The following AGAP1 variants were observed in gnomAD, a reference collection of about 807,000 sequenced individuals.
The protein encoded by AGAP1 is arf-GAP with GTPase, ANK repeat and PH domain-containing protein 1.
Under a neutral mutation model 105.3 loss-of-function variants are expected in AGAP1, and 29 were observed. The ratio of observed to expected loss-of-function variants is 0.28; its 90% confidence interval spans 0.21 to 0.38. The LOEUF is 0.38. Ranked by LOEUF, AGAP1 falls within the 10% of genes least tolerant of loss-of-function variation. The pLI is 1.00. For synonymous variants in AGAP1, 509 were observed against 485.9 expected, an observed-to-expected ratio of 1.05 and a Z score of -0.63; for missense variants, 998 against 1,165.1, an observed-to-expected ratio of 0.86 and a Z score of 2.09.
In AGAP1 at chr2:236,000,670, GAATA is replaced by G. The variant is rs2056079917; in HGVS notation, c.1645+32050_1645+32053del. On this transcript the variant is annotated intron_variant, in intron 13 of 17. Transcript: ENST00000304032. This position sits in a 1 kb window ranked among gnomAD's most constrained non-coding sequence, Gnocchi z 4.3. ...TCCCTGCAGGGAGGTGCACAGTGAAGAATAAAACACAGGTGATTTCAGATAGTGG... is the reference window on the plus strand; with the variant it reads ...TCCCTGCAGGGAGGTGCACAGTGAAGAAACACAGGTGATTTCAGATAGTGG... Among the ~76,000 whole-genome samples the G allele has an allele frequency of 6.6e-6, 1 of 152,236 alleles. No homozygotes were observed. The highest frequency in any genetic ancestry group is 1.5e-5 in the Non-Finnish European group (1 of 68,046).
rs1006947599 is a variant in AGAP1, at chr2:235,927,920, A to T, written c.1325-2845A>T. On this transcript the variant is annotated intron_variant, in intron 11 of 17. Transcript: ENST00000304032. The surrounding 1 kb of genome is among the most constrained non-coding windows in gnomAD (Gnocchi z 4.4). ...CTTGTGTGCCTAAAGCTGGTATAAA[A>T]TGAGGTCTGTGGACAGATGGCATGC... 6.6e-6 allele frequency among the ~76,000 whole-genome samples: 1 copy of T among 152,218 alleles called. No homozygotes were observed. The highest frequency in any genetic ancestry group is 2.4e-5 in the African/African-American group (1 of 41,452).
chr2:235,647,533 G>A (rs751473668), intron 1 of AGAP1, among the ~76,000 whole-genome samples: 8 of 151,998 alleles, frequency 5.3e-5, no homozygotes, highest in African/African-American at 7.3e-5. Context: ...GACTACAGGC[G>A]CACACCACCA....
intron 9 of AGAP1, among the ~76,000 whole-genome samples, chr2:235,853,641 A>G (rs980622686): frequency 5.3e-5 from 8 of 152,210 alleles, no homozygotes; most frequent in African/African-American, 1.9e-4. Context: ...ATGACTGAAC[A>G]GTGATTTTGG....
At chr2:235,513,503 A>G (rs1376094536) in intron 1 of AGAP1, among the ~76,000 whole-genome samples, 5 of 132,820 alleles carry the variant, frequency 3.8e-5, no homozygotes, top group Non-Finnish European at 7.7e-5. Context: ...CCTGGGCGGC[A>G]GAGCAAGACT....
intron 16 of AGAP1, among the ~76,000 whole-genome samples, chr2:236,108,526 C>T (rs1476861048): frequency 2.0e-5 from 3 of 152,282 alleles, no homozygotes; most frequent in Admixed American, 6.5e-5. Context: ...CACCTGTTGG[C>T]GGGGGCAGGG....
rs2149129205 is a variant in AGAP1 at position 235,557,998 on chromosome 2, G to A, written c.163+63149G>A. Among the ~76,000 whole-genome samples, 1 of 152,322 alleles carries A rather than the reference G, an allele frequency of 6.6e-6. No homozygotes were observed. Among genetic ancestry groups the A allele is most frequent in the Middle Eastern group, 3.4e-3 (1 of 294 alleles). ...AAAATAATAGGTTTAGATGAACAAA[G>A]TGGTCTTTAGAGGCAGATACACCTG... On this transcript the variant is annotated intron_variant, in intron 1 of 17. Coordinates refer to ENST00000304032, the MANE Select transcript of AGAP1 (RefSeq NM_001037131.3). The surrounding 1 kb of genome is among the most constrained non-coding windows in gnomAD (Gnocchi z 4.7).
At chr2:235,704,901 C>T (rs1332052688) in intron 1 of AGAP1, among the ~76,000 whole-genome samples, 1 of 151,058 alleles carries the variant, frequency 6.6e-6, no homozygotes, top group Non-Finnish European at 1.5e-5. Context: ...GAGCCCGGCA[C>T]CTGTCTAGTT....
intron 1 of AGAP1, among the ~76,000 whole-genome samples, chr2:235,547,308 C>T (rs1270489403): frequency 6.6e-6 from 1 of 151,906 alleles, no homozygotes; most frequent in Non-Finnish European, 1.5e-5. Context: ...ACTCTTTCCT[C>T]CTATCACCTG....
At chr2:235,912,788 C>T (rs2051681471) in intron 11 of AGAP1, among the ~76,000 whole-genome samples, 2 of 152,192 alleles carry the variant, frequency 1.3e-5, no homozygotes, top group South Asian at 4.1e-4. Context: ...CACACACTTG[C>T]TAATGCTATT....
rs2057393033 is a variant in AGAP1 at position 236,036,709 on chromosome 2, G to A, written c.1794G>A (p.Lys598=). 8 of 1,614,172 alleles carry A rather than the reference G, an allele frequency of 5.0e-6. No homozygotes were observed. The highest frequency in any genetic ancestry group is 6.8e-6 in the Non-Finnish European group (8 of 1,180,030). The change falls in exon 14 of 18, where the codon AAG becomes AAA. Residue 598 remains lysine (K), a synonymous_variant. Coordinates refer to ENST00000304032, the MANE Select transcript of AGAP1 (RefSeq NM_001037131.3). This position sits in a 1 kb window ranked among gnomAD's most constrained non-coding sequence, Gnocchi z 5.7. ...LASLQSCESS[K]NKSRLTSQSE... is the part of the protein sequence containing the mutation. ...GCCTGCAGTCGTGCGAGAGCAGCAA[G>A]AACAAGGTGAGGCCCCTGGCTGCCC...
intron 8 of AGAP1, among the ~76,000 whole-genome samples, chr2:235,805,490 A>T (rs77069909): frequency 0.028 from 4,335 of 152,260 alleles, 423 homozygotes; most frequent in East Asian, 0.23. Context: ...GGATTTCCAA[A>T]TTTAGAAATT....
intron 13 of AGAP1, among the ~76,000 whole-genome samples, chr2:236,016,173 G>A (rs2056696137): frequency 6.6e-6 from 1 of 151,964 alleles, no homozygotes; most frequent in Non-Finnish European, 1.5e-5. Flanking sequence ...GTGGAGCTTG[G>A]CCTCATTGGT....
At position 236,000,001 on chromosome 2, in the gene AGAP1, G is replaced by A. The variant is rs973904064; in HGVS notation, c.1645+31378G>A. ...ATAGACCATTGATCCTGCTTCTAAT[G>A]ACTGTCAGAAAGAATACGTGAAGGC... is the stretch of plus-strand genomic sequence containing the variant. On this transcript the variant is annotated intron_variant, in intron 13 of 17. Coordinates refer to ENST00000304032, the MANE Select transcript of AGAP1 (RefSeq NM_001037131.3). The surrounding 1 kb of genome is among the most constrained non-coding windows in gnomAD (Gnocchi z 4.3). 3.3e-5 allele frequency among the ~76,000 whole-genome samples: 5 copies of A among 152,090 alleles called. No individual in the cohort carries two copies. The highest frequency in any genetic ancestry group is 4.8e-5 in the African/African-American group (2 of 41,408).
At chr2:235,944,863 T>TA (rs2053418560) in intron 12 of AGAP1, among the ~76,000 whole-genome samples, 1 of 152,134 alleles carries the variant, frequency 6.6e-6, no homozygotes. Context: ...CTGGAAAAAT[T>TA]ATCATCCTAC....
intron 1 of AGAP1, among the ~76,000 whole-genome samples, chr2:235,524,119 G>A (rs963857477): frequency 6.6e-6 from 1 of 152,184 alleles, no homozygotes; most frequent in Non-Finnish European, 1.5e-5. Flanking sequence ...ACGCTCCATC[G>A]GAAATGCTGA....
rs982862594 is a variant in AGAP1 at position 235,977,573 on chromosome 2, C to T, written c.1645+8950C>T. On this transcript the variant is annotated intron_variant, in intron 13 of 17. Coordinates refer to ENST00000304032, the MANE Select transcript of AGAP1 (RefSeq NM_001037131.3). This position sits in a 1 kb window ranked among gnomAD's most constrained non-coding sequence, Gnocchi z 5.2. Reference sequence around the variant, plus strand: ...CCTCTGCAGCCCTCAGATGTTCCCACGCTCTGTTAGACACATGCGGCCTGG... The same window carrying T: ...CCTCTGCAGCCCTCAGATGTTCCCATGCTCTGTTAGACACATGCGGCCTGG... Among the ~76,000 whole-genome samples, 4 of 152,128 alleles carry T rather than the reference C, an allele frequency of 2.6e-5. No homozygotes were observed. The highest frequency in any genetic ancestry group is 6.5e-5 in the Admixed American group (1 of 15,272).
chr2:235,973,915 G>C lies in AGAP1; in HGVS notation c.1645+5292G>C, dbSNP rs1276024930. On this transcript the variant is annotated intron_variant, in intron 13 of 17. Coordinates refer to ENST00000304032, the MANE Select transcript of AGAP1 (RefSeq NM_001037131.3). This position sits in a 1 kb window ranked among gnomAD's most constrained non-coding sequence, Gnocchi z 4.7. ...CCAGGGAAAAGCGCCTGGGCAGTGG[G>C]ATTTTGCAGATCTTTAATGGCTTGT... Among the ~76,000 whole-genome samples, 2 of 152,106 alleles carry C rather than the reference G, an allele frequency of 1.3e-5. No individual in the cohort carries two copies. Among genetic ancestry groups the C allele is most frequent in the Admixed American group, 1.3e-4 (2 of 15,276 alleles).
chr2:235,581,914 A>G (rs1008261011), intron 1 of AGAP1, among the ~76,000 whole-genome samples: 1 of 152,358 alleles, frequency 6.6e-6, no homozygotes, highest in African/African-American at 2.4e-5. Context: ...ACCTGGAAGA[A>G]GAAAACTGGA....
chr2:235,745,940 A>T (rs1317173459), intron 5 of AGAP1, among the ~76,000 whole-genome samples: 2 of 152,214 alleles, frequency 1.3e-5, no homozygotes, highest in East Asian at 3.8e-4. Context: ...AGCCTGGCCC[A>T]CATGGTGAAA....
Sources: gnomAD v4.1 joint callset for allele counts (sites outside exome capture counted in the v4.1 genomes callset) on GRCh38, gnomAD v4.1.1 for gene constraint, Gnocchi (gnomAD v3.1) non-coding constraint, MANE v1.5 for transcripts, NCBI Gene and HGNC (gene_info 2026-07-23, HGNC 2026-07-21) for gene names.